RNF150: variants seen among roughly 807,000 people sequenced by gnomAD.
RNF150 encodes ring finger protein 150.
Under a neutral mutation model 39.3 loss-of-function variants are expected in RNF150, and 24 were observed. The observed-to-expected ratio is 0.61, with a 90% CI of 0.44 to 0.86. The LOEUF (loss-of-function observed/expected upper bound fraction) is 0.86. Among genes scored for constraint, RNF150 ranks in the 40% least tolerant of loss-of-function variants. The pLI, the probability that RNF150 is intolerant of heterozygous loss-of-function variation, is 0.00. For missense variants in RNF150, 502 were observed against 587.8 expected, an observed-to-expected ratio of 0.85 and a Z score of 1.51; for synonymous variants, 255 against 227.3, an observed-to-expected ratio of 1.12 and a Z score of -1.10.
chr4:141,057,329 A>G (rs754616901), intron 1 of RNF150, among the ~76,000 whole-genome samples: 25 of 151,968 alleles, frequency 1.6e-4, no homozygotes, highest in Non-Finnish European at 3.4e-4. Context: ...ATTATTATAT[A>G]TAATTGTAAA....
At chr4:140,958,530 C>T (rs566158606) in intron 2 of RNF150, among the ~76,000 whole-genome samples, 43 of 152,266 alleles carry the variant, frequency 2.8e-4, no homozygotes, top group African/African-American at 1.0e-3. Flanking sequence ...TTTTATATTT[C>T]TCTCTCCCAA....
intron 1 of RNF150, among the ~76,000 whole-genome samples, chr4:141,170,116 C>G (rs1727684836): frequency 1.3e-5 from 2 of 152,158 alleles, no homozygotes; most frequent in Non-Finnish European, 2.9e-5. Flanking sequence ...AATCATGAGT[C>G]TGCAAATGAA....
intron 1 of RNF150, among the ~76,000 whole-genome samples, chr4:141,052,842 T>C (rs1466052299): frequency 6.6e-6 from 1 of 152,186 alleles, no homozygotes; most frequent in African/African-American, 2.4e-5. Context: ...AAAACTCACA[T>C]GCTTATCTGA....
intron 1 of RNF150, among the ~76,000 whole-genome samples, chr4:141,066,096 T>C (rs772796674): frequency 3.4e-4 from 52 of 152,052 alleles, no homozygotes; most frequent in Non-Finnish European, 7.2e-4. Context: ...GATCCCAGTG[T>C]GTTCCATTTG....
intron 6 of RNF150, chr4:140,910,936 G>T (rs1351738483): frequency 5.0e-6 from 3 of 600,314 alleles, no homozygotes; most frequent in Non-Finnish European, 8.9e-6. Context: ...GGGCAGGCAG[G>T]AGCATGGGCA....
chr4:140,952,598 G>C (rs1732583302), intron 2 of RNF150, among the ~76,000 whole-genome samples: 1 of 152,176 alleles, frequency 6.6e-6, no homozygotes, highest in African/African-American at 2.4e-5. Flanking sequence ...TTTTAAAAAT[G>C]GCAGGTCCGT....
rs569123070 is a variant in RNF150, at chr4:141,166,354, C to T, written c.-6+46440G>A. 5.3e-5 allele frequency among the ~76,000 whole-genome samples: 8 copies of T among 152,242 alleles called. No homozygotes were observed. In the East Asian group the frequency reaches 1.3e-3, roughly 26 times the overall value. On this transcript the variant is annotated intron_variant, in intron 1 of 7. Transcript: ENST00000420921. ...TCCCAGGACCAGATGGATTCACAGC[C>T]GAATTCTACCAGAGGTACAAAGAGG...
At chr4:141,113,674 A>G (rs1578743136) in intron 1 of RNF150, among the ~76,000 whole-genome samples, 1 of 152,320 alleles carries the variant, frequency 6.6e-6, no homozygotes, top group East Asian at 1.9e-4. Flanking sequence ...CAGACCTAAC[A>G]GACATCTACA....
At chr4:141,037,948 A>G (rs1272032961) in intron 1 of RNF150, among the ~76,000 whole-genome samples, 3 of 152,224 alleles carry the variant, frequency 2.0e-5, no homozygotes, top group South Asian at 4.1e-4. Context: ...GCAATCATAT[A>G]CACTAACATG....
rs115168130 is a variant in RNF150, at chr4:141,153,551, A to G, written c.-6+59243T>C. On this transcript the variant is annotated intron_variant, in intron 1 of 7. Transcript: ENST00000420921. ...AAATAAATTTCTGTTGTCTAAAGAC[A>G]CCCAGTCTGTGGTAATTTGTTATGG... Among the ~76,000 whole-genome samples the G allele has an allele frequency of 3.3e-3, 509 of 152,310 alleles. 3 individuals are homozygous for G. The highest frequency in any genetic ancestry group is 0.012 in the African/African-American group (483 of 41,552).
intron 1 of RNF150, among the ~76,000 whole-genome samples, chr4:141,076,409 G>A (rs950667608): frequency 1.3e-5 from 2 of 152,006 alleles, no homozygotes; most frequent in Non-Finnish European, 2.9e-5. Context: ...CCTTGATCTG[G>A]AGTGGAAGAT....
At chr4:141,026,094 T>TC (rs1735685546) in intron 1 of RNF150, among the ~76,000 whole-genome samples, 1 of 152,166 alleles carries the variant, frequency 6.6e-6, no homozygotes, top group Admixed American at 6.6e-5. Context: ...GACGTCTTGA[T>TC]CTTAGACTCT....
chr4:141,202,317 T>C lies in RNF150; in HGVS notation c.-6+10477A>G, dbSNP rs201957567. Reference sequence around the variant, plus strand: ...TCAAATGAAATCAGGGGAGCAAGTTTCTTTATTTAGGAAGAGAGCTAGGAG... The same window carrying C: ...TCAAATGAAATCAGGGGAGCAAGTTCCTTTATTTAGGAAGAGAGCTAGGAG... On this transcript the variant is annotated intron_variant, in intron 1 of 7. Coordinates refer to the RNF150 transcript ENST00000420921. Among the ~76,000 whole-genome samples, 25 of 152,278 alleles carry C rather than the reference T, an allele frequency of 1.6e-4. No homozygotes were observed. The East Asian group carries it at 4.6e-3, about 28-fold the overall frequency.
At chr4:141,065,650 T>C (rs969634264) in intron 1 of RNF150, among the ~76,000 whole-genome samples, 9 of 152,116 alleles carry the variant, frequency 5.9e-5, no homozygotes, top group Admixed American at 3.3e-4. Context: ...AAGAAATTCA[T>C]TGAAATTCAT....
At chr4:140,902,539 G>T (rs926506917) in intron 6 of RNF150, among the ~76,000 whole-genome samples, 3 of 152,044 alleles carry the variant, frequency 2.0e-5, no homozygotes, top group Non-Finnish European at 2.9e-5. Flanking sequence ...TTATTTGATG[G>T]CATGTCAATA....
intron 1 of RNF150, among the ~76,000 whole-genome samples, chr4:141,015,102 C>T (rs925972704): frequency 1.3e-5 from 2 of 152,168 alleles, no homozygotes; most frequent in African/African-American, 4.8e-5. Flanking sequence ...TTGTGTTCCT[C>T]ACCTTTGTCA....
At chr4:140,979,518 T>C (rs1227973481) in intron 1 of RNF150, among the ~76,000 whole-genome samples, 1 of 151,912 alleles carries the variant, frequency 6.6e-6, no homozygotes, top group Non-Finnish European at 1.5e-5. Context: ...AGAACACACA[T>C]TACATTCAGT....
At chr4:141,070,574 C>T (rs568957488) in intron 1 of RNF150, among the ~76,000 whole-genome samples, 3 of 150,740 alleles carry the variant, frequency 2.0e-5, no homozygotes, top group African/African-American at 4.9e-5. Flanking sequence ...GGGCGAAGGA[C>T]ATGAACAGAC....
At chr4:141,172,850 C>G (rs935542327) in intron 1 of RNF150, among the ~76,000 whole-genome samples, 5 of 151,992 alleles carry the variant, frequency 3.3e-5, no homozygotes. Context: ...CATAGTGAAA[C>G]CCCATCTCTA....
Sources: allele counts gnomAD v4.1 joint callset (sites outside exome capture counted in the v4.1 genomes callset), GRCh38; gene constraint gnomAD v4.1.1; transcripts MANE v1.5; gene names NCBI Gene and HGNC (gene_info 2026-07-23, HGNC 2026-07-21).